The following NCOA7 variants were observed in gnomAD, a reference collection of about 807,000 sequenced individuals.
NCOA7 encodes the protein 140 kDa estrogen receptor-associated protein.
NCOA7 carries 45 observed loss-of-function variants against 104.3 expected under a neutral mutation model. That is an observed-to-expected ratio of 0.43 (90% CI 0.34 to 0.55). The LOEUF (loss-of-function observed/expected upper bound fraction) is 0.55. Ranked by LOEUF, NCOA7 falls within the 20% of genes least tolerant of loss-of-function variation. NCOA7 has a pLI of 0.02. For missense variants in NCOA7, 1,041 were observed against 1,119.7 expected, an observed-to-expected ratio of 0.93 and a Z score of 1.00; for synonymous variants, 398 against 402.3, an observed-to-expected ratio of 0.99 and a Z score of 0.13.
intron 2 of NCOA7, among the ~76,000 whole-genome samples, chr6:125,828,386 A>C (rs1778843245): frequency 6.6e-6 from 1 of 152,232 alleles, no homozygotes; most frequent in African/African-American, 2.4e-5. Flanking sequence ...GGATAAAAGC[A>C]GTTTCAGCAC....
At chr6:125,825,028 T>TC (rs1272947468) in intron 2 of NCOA7, among the ~76,000 whole-genome samples, 2 of 152,024 alleles carry the variant, frequency 1.3e-5, no homozygotes. Flanking sequence ...AAGAGGGAAC[T>TC]CCATCTCAAA....
chr6:125,881,055 C>A, intron 5 of NCOA7, 35 bp from the exon 6 acceptor site: 1 of 1,374,972 alleles, frequency 7.3e-7, no homozygotes, highest in Non-Finnish European at 1.0e-6. Context: ...TGCCTGGTTG[C>A]TGGTACTCAC....
intron 3 of NCOA7, among the ~76,000 whole-genome samples, chr6:125,867,232 C>T (rs1242907987): frequency 6.6e-6 from 1 of 152,198 alleles, no homozygotes; most frequent in Non-Finnish European, 1.5e-5. Context: ...TTGACATTTT[C>T]ATGATAATAT....
At chr6:125,859,296 G>T (rs550295062) in intron 3 of NCOA7, among the ~76,000 whole-genome samples, 1 of 151,968 alleles carries the variant, frequency 6.6e-6, no homozygotes, top group African/African-American at 2.4e-5. Flanking sequence ...GAGGAAAGAA[G>T]ATAATGAATT....
chr6:125,899,450 C>T (rs1785306689), intron 10 of NCOA7, among the ~76,000 whole-genome samples: 1 of 152,128 alleles, frequency 6.6e-6, no homozygotes. Context: ...AACTGAGGTC[C>T]TACTCAGCCA....
intron 2 of NCOA7, among the ~76,000 whole-genome samples, chr6:125,840,868 G>GTTTTTTTTGTTTGTTTGTT (rs1780077142): frequency 2.5e-5 from 1 of 40,340 alleles, no homozygotes; most frequent in African/African-American, 1.0e-4. Context: ...TGTTTGGTTG[G>GTTTTTTTTGTTTGTTTGTT]TTTTTTTTTT....
At chr6:125,885,371 A>G (rs1004999405) in intron 8 of NCOA7, 28 bp downstream of exon 8, 2 of 1,608,802 alleles carry the variant, frequency 1.2e-6, no homozygotes, top group African/African-American at 2.7e-5. Context: ...TTACCAGGAA[A>G]AAAGGGGTGT....
intron 10 of NCOA7, among the ~76,000 whole-genome samples, chr6:125,914,154 G>A (rs1562178446): frequency 6.6e-6 from 1 of 152,168 alleles, no homozygotes; most frequent in Non-Finnish European, 1.5e-5. Flanking sequence ...TACACTGTAT[G>A]GATAGTTACT....
chr6:125,825,292 C>T (rs529346631), intron 2 of NCOA7, among the ~76,000 whole-genome samples: 6 of 151,960 alleles, frequency 3.9e-5, no homozygotes, highest in African/African-American at 1.4e-4. Flanking sequence ...ATGATCATGT[C>T]GTTCCAGCCT....
At chr6:125,878,716 C>T (rs1570383) in intron 5 of NCOA7, among the ~76,000 whole-genome samples, 36,604 of 152,030 alleles carry the variant, frequency 0.24, 4,999 homozygotes, top group African/African-American at 0.39. Flanking sequence ...ACCTTGGCTA[C>T]ACATGCTTAA....
intron 1 of NCOA7, among the ~76,000 whole-genome samples, chr6:125,806,823 C>T (rs1333291685): frequency 6.6e-6 from 1 of 152,106 alleles, no homozygotes; most frequent in Non-Finnish European, 1.5e-5. Context: ...CAAGTACTTT[C>T]CTTTGGGGCA....
At chr6:125,919,492 C>G in intron 11 of NCOA7, 1 of 1,507,256 alleles carries the variant, frequency 6.6e-7, no homozygotes. Flanking sequence ...TGATGTACCT[C>G]CGAGTTTCTT....
At chr6:125,801,845 A>G (rs527781830) in intron 1 of NCOA7, among the ~76,000 whole-genome samples, 1 of 152,322 alleles carries the variant, frequency 6.6e-6, no homozygotes, top group Non-Finnish European at 1.5e-5. Flanking sequence ...AACTAACTGT[A>G]TTTCCAAATA....
intron 1 of NCOA7, among the ~76,000 whole-genome samples, chr6:125,781,899 AG>A (rs1774243074): frequency 6.6e-6 from 1 of 152,244 alleles, no homozygotes; most frequent in Non-Finnish European, 1.5e-5. Flanking sequence ...TCAAAGCAAC[AG>A]AAAGTTGCAA....
intron 3 of NCOA7, among the ~76,000 whole-genome samples, chr6:125,866,530 A>G (rs968607648): frequency 6.6e-6 from 1 of 152,046 alleles, no homozygotes; most frequent in Admixed American, 6.6e-5. Context: ...CACCTTATCA[A>G]ATTCTTAGGG....
rs761899386 is a variant in NCOA7, at chr6:125,920,976, A to C, written c.2278A>C (p.Ser760Arg). 1 of 1,613,796 alleles carries C rather than the reference A, an allele frequency of 6.2e-7. No individual in the cohort carries two copies. Among genetic ancestry groups the C allele is most frequent in the Admixed American group, 1.7e-5 (1 of 60,020 alleles). Residue 760 changes from serine (S) to arginine (R), a missense_variant, in exon 12 of 16, where the codon AGC becomes CGC. Physicochemically the swap from Ser to Arg is moderately radical, Grantham distance 110. This residue lies in a region of NCOA7 where 914 missense variants were observed against 942.7 expected (regional missense o/e 0.97). Coordinates refer to ENST00000392477, the MANE Select transcript of NCOA7 (RefSeq NM_181782.5). ...TGTTGAAGAGGCAAAGCGCAGGAAG[A>C]GCACATGCAGCTACTATGAAGACGA... is the stretch of plus-strand genomic sequence containing the variant. ...ITVEEAKRRK[S>R]TCSYYEDEDE...
chr6:125,928,640 C>T lies in NCOA7; in HGVS notation c.2698C>T (p.Arg900Ter), dbSNP rs1300236722. Residue 900 changes from arginine (R) to a stop codon, truncating the protein, a stop_gained, in exon 16 of 16, where the codon CGA (arginine) becomes TGA (stop). Coordinates refer to ENST00000392477, the MANE Select transcript of NCOA7 (RefSeq NM_181782.5). LOFTEE classifies it high-confidence loss of function. ...TTTTTTTTTTAACCTTTTCAGGGGA[C>T]GATTTGGTTTATGGCTAGATGCTGA... ...SSLELGGGGG[R>*]FGLWLDADLY... The T allele has an allele frequency of 1.9e-6, 3 of 1,583,778 alleles. No individual in the cohort carries two copies. The highest frequency in any genetic ancestry group is 1.7e-6 in the Non-Finnish European group (2 of 1,169,042).
intron 5 of NCOA7, among the ~76,000 whole-genome samples, chr6:125,878,941 T>G (rs561571104): frequency 3.0e-4 from 45 of 152,294 alleles, no homozygotes; most frequent in Non-Finnish European, 6.2e-4. Flanking sequence ...CAGTCAACTG[T>G]TTAAGCACAG....
upstream of NCOA7, among the ~76,000 whole-genome samples, chr6:125,787,808 A>C (rs1201090167): frequency 6.6e-6 from 1 of 152,250 alleles, no homozygotes; most frequent in Non-Finnish European, 1.5e-5. Flanking sequence ...ATCATAATAA[A>C]GTATATTATT....
Sources: gnomAD v4.1 joint callset for allele counts (sites outside exome capture counted in the v4.1 genomes callset) on GRCh38, gnomAD v4.1.1 for gene constraint, gnomAD v4.1.1 regional missense constraint, MANE v1.5 for transcripts, NCBI Gene and HGNC (gene_info 2026-07-23, HGNC 2026-07-21) for gene names.